Variants in MEFV observed in about 807,000 individuals in gnomAD.
MEFV encodes pyrin.
A neutral mutation model predicts 62.5 loss-of-function variants in MEFV; 60 were observed. The ratio of observed to expected loss-of-function variants is 0.96; its 90% CI spans 0.78 to 1.19. The LOEUF (loss-of-function observed/expected upper bound fraction) is 1.19, where lower values mean the gene tolerates loss of function less well. Ranked by LOEUF, MEFV falls within the 50% of genes most tolerant of loss-of-function variation. The probability of loss-of-function intolerance (pLI) is 0.00; values close to 1 mark genes in which losing one functional copy is unlikely to be tolerated. For synonymous variants in MEFV, 500 were observed against 415.2 expected (o/e 1.20, Z -2.48); for missense variants, 1,169 against 1,004.5 (o/e 1.16, Z -2.21).
chr16:3,246,633 T>G (rs1433009535), intron 5 of MEFV, 86 bp from the exon 6 acceptor site: 1 of 1,456,910 alleles, frequency 6.9e-7, no homozygotes, highest in African/African-American at 1.4e-5. Context: ...GCTCCTGGAC[T>G]TTTAGCTCCC....
At chr16:3,243,719 G>C (rs1958896643) in intron 9 of MEFV, 25 bp from the exon 10 acceptor site, 3 of 1,612,334 alleles carry the variant, frequency 1.9e-6, no homozygotes, top group African/African-American at 2.7e-5. Flanking sequence ...TGAATACCTA[G>C]GTAGGGGTCC....
chr16:3,256,326 T>G lies in MEFV; in HGVS notation c.262A>C (p.Arg88=). Residue 88 remains arginine, a synonymous_variant, in exon 1 of 10, where the codon AGG becomes CGG. Coordinates refer to ENST00000219596, the MANE Select transcript of MEFV (RefSeq NM_000243.3). ...GCCCGCTTACCCTGAATGGCTGCCCTGTGGAGCTCCTCGGCCAGCAGGCGC... is the reference window on the plus strand; with the variant it reads ...GCCCGCTTACCCTGAATGGCTGCCCGGTGGAGCTCCTCGGCCAGCAGGCGC... The part of the protein sequence containing the change: ...NQRLLAEELH[R]AAIQEYSTQE... 1 of 1,613,872 alleles carries G rather than the reference T, an allele frequency of 6.2e-7. No homozygotes were observed. Among genetic ancestry groups the G allele is most frequent in the East Asian group, 2.2e-5 (1 of 44,876 alleles).
rs7199464 is a variant in MEFV, at chr16:3,256,305, G to A, written c.277+6C>T. Reference sequence around the variant, plus strand: ...CTGGATGAGGAGGAGGCCTGGGCCCGCTTACCCTGAATGGCTGCCCTGTGG... The same window carrying A: ...CTGGATGAGGAGGAGGCCTGGGCCCACTTACCCTGAATGGCTGCCCTGTGG... On this transcript the variant is annotated splice_donor_region_variant and intron_variant, in intron 1 of 9. Transcript: ENST00000219596. 185 of 1,613,100 alleles carry A rather than the reference G, an allele frequency of 1.1e-4. No individual in the cohort carries two copies. The African/African-American group carries it at 2.2e-3, about 19-fold the overall frequency.
rs1167224209 is a variant in MEFV, at chr16:3,244,320, G to C, written c.1727-34C>G. The C allele has an allele frequency of 3.7e-6, 6 of 1,613,744 alleles. No individual in the cohort carries two copies. The African/African-American group carries it at 5.3e-5, about 14-fold the overall frequency. ...TGGGAAAGGGAGCAGAGAGAAGCTG[G>C]AGTTAGGTCCCTCAGCCAGGGACAG... On this transcript the variant is annotated intron_variant, in intron 7 of 9. Transcript: ENST00000219596.
chr16:3,251,479 G>A (rs539780021), intron 2 of MEFV, among the ~76,000 whole-genome samples: 17 of 152,270 alleles, frequency 1.1e-4, no homozygotes, highest in South Asian at 2.1e-4. Flanking sequence ...CCTGGCCCAC[G>A]GATCTGCCTG....
chr16:3,247,534 G>T, intron 4 of MEFV: 1 of 429,132 alleles, frequency 2.3e-6, no homozygotes. Context: ...TACTCAGCAT[G>T]TGATCTTATT....
Position 3,256,349 on chromosome 16 carries a change from C to T in MEFV, c.239G>A (p.Arg80His), listed in dbSNP as rs201075710. The T allele has an allele frequency of 2.0e-5, 32 of 1,613,948 alleles. No homozygotes were observed. In the East Asian group the frequency reaches 4.0e-4, roughly 20 times the overall value. ...TLQVLRAINQRLLAEELHRAA... is the reference protein window; with the variant it reads ...TLQVLRAINQHLLAEELHRAA... ...CCTGTGGAGCTCCTCGGCCAGCAGG[C>T]GCTGGTTGATGGCCCGCAGGACCTG... The change falls in exon 1 of 10, where the codon CGC (arginine) becomes CAC (histidine). Residue 80 changes from arginine (R) to histidine (H), a missense_variant. Arg to His is a conservative substitution (Grantham distance 29). Transcript: ENST00000219596.
At chr16:3,252,544 G>A (rs886133736) in intron 2 of MEFV, among the ~76,000 whole-genome samples, 3 of 151,818 alleles carry the variant, frequency 2.0e-5, no homozygotes, top group Admixed American at 6.6e-5. Flanking sequence ...AAAGTGCTGG[G>A]ATTACAGGTA....
chr16:3,243,553 G>A lies in MEFV; in HGVS notation c.1934C>T (p.Ser645Phe). The A allele has an allele frequency of 1.2e-6, 2 of 1,613,490 alleles. No homozygotes were observed. The highest frequency in any genetic ancestry group is 1.7e-6 in the Non-Finnish European group (2 of 1,179,668). ...RFDSCIIVLGSPSFLSGRRYW... is the reference protein window; with the variant it reads ...RFDSCIIVLGFPSFLSGRRYW... ...ACGGCGGCCAGAGAGGAAACTCGGA[G>A]AGCCCAGAACAATGATACAGCTGTC... Residue 645 changes from serine (S) to phenylalanine (F), a missense_variant, in exon 10 of 10, where the codon TCT (serine) becomes TTT (phenylalanine). By Grantham distance (155) the Ser-to-Phe change is radical. Transcript: ENST00000219596.
intron 4 of MEFV, 177 bp from the exon 5 acceptor site, chr16:3,247,423 G>A (rs930512383): frequency 2.1e-5 from 13 of 611,348 alleles, no homozygotes; most frequent in African/African-American, 1.5e-4. Flanking sequence ...AGAAAAGACT[G>A]AGCATGGCTG....
chr16:3,254,634 C>T lies in MEFV; in HGVS notation c.434G>A (p.Ser145Asn), dbSNP rs1342434040. The stretch of plus-strand genomic sequence containing the variant: ...CAGCCCCCTCCCGGCCTCGGGCTGG[C>T]TGCACCGCAGGCTGGCAGCTCCGCC... The part of the protein sequence containing the change: ...YGGGAASLRC[S>N]QPEAGRGLSR... The change falls in exon 2 of 10, where the codon AGC (serine) becomes AAC (asparagine). Residue 145 changes from serine to asparagine, a missense_variant. Transcript: ENST00000219596. 3 of 1,606,708 alleles carry T rather than the reference C, an allele frequency of 1.9e-6. No homozygotes were observed. Among genetic ancestry groups the T allele is most frequent in the Non-Finnish European group, 2.5e-6 (3 of 1,177,932 alleles).
At position 3,243,439 on chromosome 16, in the gene MEFV, G is replaced by A. The variant is rs534682649; in HGVS notation, c.2048C>T (p.Ser683Leu). 1.5e-5 allele frequency: 25 copies of A among 1,614,076 alleles called. No individual in the cohort carries two copies. The highest frequency in any genetic ancestry group is 1.5e-4 in the South Asian group (14 of 91,072). Residue 683 changes from serine (S) to leucine (L), a missense_variant, in exon 10 of 10, where the codon TCG becomes TTG. Physicochemically the swap from Ser to Leu is moderately radical, Grantham distance 145 (BLOSUM62 -2). Transcript: ENST00000219596. ...SISRKGNMTL[S>L]PENGYWVVIM... ...CACCACCCAGTAGCCATTCTCTGGCGACAGAGTCATGTTCCCTTTCCTGCT... is the reference window on the plus strand; with the variant it reads ...CACCACCCAGTAGCCATTCTCTGGCAACAGAGTCATGTTCCCTTTCCTGCT...
chr16:3,254,365 A>AGGGC lies in MEFV; in HGVS notation c.699_702dup (p.Ser235AlafsTer8). 1 of 1,614,128 alleles carries AGGGC rather than the reference A, an allele frequency of 6.2e-7. No individual in the cohort carries two copies. Among genetic ancestry groups the AGGGC allele is most frequent in the Non-Finnish European group, 8.5e-7 (1 of 1,180,014 alleles). On this transcript the variant is annotated frameshift_variant, in exon 2 of 10. Coordinates refer to ENST00000219596, the MANE Select transcript of MEFV (RefSeq NM_000243.3). LOFTEE classifies it high-confidence loss of function. ...AGGCTTCTAGGTCGCATCTTTCCCG[A>AGGGC]GGGCAGGTACACTTCGAAGGGCCTG...
rs763187371 is a variant in MEFV, at chr16:3,243,630, A to G, written c.1857T>C (p.Ser619=). Residue 619 remains serine, a synonymous_variant, in exon 10 of 10, where the codon AGT becomes AGC. Coordinates refer to ENST00000219596, the MANE Select transcript of MEFV (RefSeq NM_000243.3). ...TCTCCCACTTGTTTCCAAGTCTAAC[A>G]CTCTTCAGATCATCAGAGAAGATGA... ...PNLIFSDDLK[S]VRLGNKWERL... is the part of the protein sequence containing the mutation. The G allele has an allele frequency of 3.1e-6, 5 of 1,598,106 alleles. No homozygotes were observed. Among genetic ancestry groups the G allele is most frequent in the East Asian group, 2.2e-5 (1 of 44,730 alleles).
rs1433298363 is a variant in MEFV at position 3,242,302 on chromosome 16, T to C, written c.*839A>G. ...TCTCTTGAACCTGGGAGGCGGAGGT[T>C]GCGAGCCAAGATTGCACCACTGCAC... On this transcript the variant is annotated 3_prime_UTR_variant, in exon 10 of 10. Transcript: ENST00000219596. 1.0e-5 allele frequency: 1 copy of C among 96,892 alleles called. No homozygotes were observed. Among genetic ancestry groups the C allele is most frequent in the Non-Finnish European group, 2.0e-5 (1 of 49,526 alleles). 6.0% of individuals were successfully genotyped at this position (96,892 alleles called of 1,614,324 possible).
intron 2 of MEFV, among the ~76,000 whole-genome samples, chr16:3,252,877 G>T (rs2141675327): frequency 6.7e-6 from 1 of 150,012 alleles, no homozygotes; most frequent in South Asian, 2.1e-4. Flanking sequence ...TTGAGCCTAG[G>T]AGGTTGAGGC....
At chr16:3,253,504 TC>T (rs1220301741) in intron 2 of MEFV, among the ~76,000 whole-genome samples, 1 of 152,124 alleles carries the variant, frequency 6.6e-6, no homozygotes, top group Admixed American at 6.6e-5. Flanking sequence ...ATTCTTTCTT[TC>T]TTTTTTTTTC....
In MEFV at chr16:3,243,462, G is replaced by A; in HGVS notation, c.2025C>T (p.Ser675=). 2 of 1,614,034 alleles carry A rather than the reference G, an allele frequency of 1.2e-6. No individual in the cohort carries two copies. The highest frequency in any genetic ancestry group is 1.7e-6 in the Non-Finnish European group (2 of 1,180,022). ...GCGACAGAGTCATGTTCCCTTTCCT[G>A]CTTATGGATGTCTTGCAGGCTCCCA... The part of the protein sequence containing the change: ...WILGACKTSI[S]RKGNMTLSPE... Residue 675 remains serine, a synonymous_variant, in exon 10 of 10, where the codon AGC becomes AGT. Coordinates refer to ENST00000219596, the MANE Select transcript of MEFV (RefSeq NM_000243.3).
intron 7 of MEFV, 58 bp downstream of exon 7, chr16:3,244,415 T>C: frequency 6.3e-7 from 1 of 1,594,812 alleles, no homozygotes. Flanking sequence ...CTCTGGGCTA[T>C]GTGGATCTTA....
Sources: gnomAD v4.1 joint callset for allele counts (sites outside exome capture counted in the v4.1 genomes callset) on GRCh38, gnomAD v4.1.1 for gene constraint, MANE v1.5 for transcripts, NCBI Gene and HGNC (gene_info 2026-07-23, HGNC 2026-07-21) for gene names.